Variants in LINGO2 observed in about 807,000 individuals in gnomAD.
LINGO2 encodes leucine-rich repeat and immunoglobulin-like domain-containing nogo receptor-interacting protein 2.
A neutral mutation model predicts 30.6 loss-of-function variants in LINGO2; 14 were observed. That is an observed-to-expected ratio of 0.46 (90% CI 0.30 to 0.72). The LOEUF is 0.72. LINGO2 is among the 30% of genes least tolerant of loss of function. The pLI is 0.07. For synonymous variants in LINGO2, 317 were observed against 288.5 expected (o/e 1.10, Z -1.00); for missense variants, 729 against 751.7 (o/e 0.97, Z 0.35).
intron 2 of LINGO2, among the ~76,000 whole-genome samples, chr9:28,427,132 G>A (rs113628122): frequency 8.6e-5 from 13 of 152,020 alleles, no homozygotes; most frequent in African/African-American, 2.2e-4. Context: ...TTTAAAAACC[G>A]CACATGAGCA....
At chr9:28,552,999 A>C (rs1041057634) in intron 1 of LINGO2, among the ~76,000 whole-genome samples, 3 of 151,654 alleles carry the variant, frequency 2.0e-5, no homozygotes, top group Middle Eastern at 3.2e-3. Context: ...CTTTTCTCCG[A>C]GTTATTGTTT....
intron 4 of LINGO2, among the ~76,000 whole-genome samples, chr9:28,278,624 C>G (rs1028796415): frequency 2.0e-5 from 3 of 152,078 alleles, no homozygotes; most frequent in Admixed American, 1.3e-4. Flanking sequence ...TATTTTAAGC[C>G]CATTGTTGAG....
intron 4 of LINGO2, among the ~76,000 whole-genome samples, chr9:28,079,206 G>T (rs900485751): frequency 4.4e-5 from 6 of 135,138 alleles, no homozygotes; most frequent in African/African-American, 2.3e-4. Flanking sequence ...ATTTAATATA[G>T]ATAACTGGAA....
Position 27,973,557 on chromosome 9 carries a change from A to T in LINGO2, c.-35-22851T>A, listed in dbSNP as rs115331274. Among the ~76,000 whole-genome samples, 289 of 152,326 alleles carry T rather than the reference A, an allele frequency of 1.9e-3. 3 individuals are homozygous for T. The highest frequency in any genetic ancestry group is 6.6e-3 in the African/African-American group (275 of 41,580). On this transcript the variant is annotated intron_variant, in intron 5 of 5. Transcript: ENST00000379992. ...GAAGCTCTAAAACATTTAAGGAAGG[A>T]TATGTTTCAACAGGAAAGGAAAAGA...
the LINGO2 span, among the ~76,000 whole-genome samples, chr9:28,815,525 A>G: frequency 6.6e-6 from 1 of 152,012 alleles, no homozygotes; most frequent in African/African-American, 2.4e-5. Context: ...GTCTCCCTCA[A>G]TCTGCATACA....
intron 1 of LINGO2, among the ~76,000 whole-genome samples, chr9:28,510,043 A>T (rs1364254249): frequency 6.6e-6 from 1 of 152,252 alleles, no homozygotes; most frequent in Non-Finnish European, 1.5e-5. Flanking sequence ...GCTCTCCGGC[A>T]GCTTACTGCC....
intron 1 of LINGO2, among the ~76,000 whole-genome samples, chr9:28,581,773 C>A (rs1028730429): frequency 1.3e-5 from 2 of 151,754 alleles, no homozygotes; most frequent in African/African-American, 2.4e-5. Flanking sequence ...GGTTTTCCTT[C>A]TTCTGAATAT....
chr9:28,391,018 C>T (rs112538463), intron 2 of LINGO2, among the ~76,000 whole-genome samples: 5,730 of 152,160 alleles, frequency 0.038, 129 homozygotes, highest in Middle Eastern at 0.058. Flanking sequence ...TACACGACTC[C>T]CAGACATGTA....
chr9:29,135,550 T>C, the LINGO2 span, among the ~76,000 whole-genome samples: 2 of 137,018 alleles, frequency 1.5e-5, no homozygotes, highest in African/African-American at 2.7e-5. Flanking sequence ...AGAGTGACAT[T>C]CCATCTCCAA....
the LINGO2 span, among the ~76,000 whole-genome samples, chr9:29,142,450 A>T: frequency 6.6e-6 from 1 of 151,854 alleles, no homozygotes; most frequent in Non-Finnish European, 1.5e-5. Flanking sequence ...CCCATATTTA[A>T]AAAGAAGAAC....
chr9:28,182,522 C>G (rs1314472695), intron 4 of LINGO2, among the ~76,000 whole-genome samples: 1 of 152,104 alleles, frequency 6.6e-6, no homozygotes, highest in Admixed American at 6.5e-5. Flanking sequence ...TCATAGTGAA[C>G]AGGCAACCTA....
the LINGO2 span, among the ~76,000 whole-genome samples, chr9:28,759,805 T>C: frequency 6.6e-6 from 1 of 152,054 alleles, no homozygotes; most frequent in African/African-American, 2.4e-5. Flanking sequence ...TCATGGTTGT[T>C]CTCAGAGTGG....
At chr9:28,469,797 A>T (rs1007641228) in intron 2 of LINGO2, among the ~76,000 whole-genome samples, 5 of 152,184 alleles carry the variant, frequency 3.3e-5, no homozygotes, top group African/African-American at 1.2e-4. Flanking sequence ...AATTACAACT[A>T]GACTTACTAC....
At chr9:28,852,951 G>A in the LINGO2 span, among the ~76,000 whole-genome samples, 2 of 152,134 alleles carry the variant, frequency 1.3e-5, no homozygotes, top group Admixed American at 1.3e-4. Context: ...ATAATTACAT[G>A]TGTAGTGACC....
At chr9:28,422,597 AATGCAAAATATATT>A (rs1205754940) in intron 2 of LINGO2, among the ~76,000 whole-genome samples, 3 of 152,112 alleles carry the variant, frequency 2.0e-5, no homozygotes, top group Non-Finnish European at 2.9e-5. Flanking sequence ...GTACAGCTGC[AATGCAAAATATATT>A]ATGGGTCCAC....
chr9:28,020,347 G>C (rs111484554), intron 4 of LINGO2, among the ~76,000 whole-genome samples: 1 of 152,148 alleles, frequency 6.6e-6, no homozygotes, highest in South Asian at 2.1e-4. Context: ...TAACCAATAC[G>C]GTGAAACCTC....
At chr9:28,454,628 A>C (rs148404658) in intron 2 of LINGO2, among the ~76,000 whole-genome samples, 137 of 152,090 alleles carry the variant, frequency 9.0e-4, no homozygotes, top group African/African-American at 3.2e-3. Flanking sequence ...GTACTGTATA[A>C]GTTTTGATCA....
chr9:28,434,273 T>C (rs1244296108), intron 2 of LINGO2, among the ~76,000 whole-genome samples: 3 of 148,282 alleles, frequency 2.0e-5, no homozygotes, highest in East Asian at 2.0e-4. Flanking sequence ...TACACACCAC[T>C]GAAGAACTTA....
chr9:28,286,305 A>G (rs1414480680), intron 4 of LINGO2, among the ~76,000 whole-genome samples: 1 of 152,198 alleles, frequency 6.6e-6, no homozygotes, highest in Non-Finnish European at 1.5e-5. Context: ...AAAGTCAAAA[A>G]ATAACAGATG....
Sources: gnomAD v4.1 joint callset for allele counts (sites outside exome capture counted in the v4.1 genomes callset) on GRCh38, gnomAD v4.1.1 for gene constraint, MANE v1.5 for transcripts, NCBI Gene and HGNC (gene_info 2026-07-23, HGNC 2026-07-21) for gene names.